DROSHA: variants seen among roughly 807,000 people sequenced by gnomAD.
DROSHA encodes ribonuclease 3.
A neutral mutation model predicts 181.9 loss-of-function variants in DROSHA; 56 were observed. That is an observed-to-expected ratio of 0.31 (90% CI 0.25 to 0.38). The LOEUF (loss-of-function observed/expected upper bound fraction) is 0.38. Ranked by LOEUF, DROSHA falls within the 10% of genes least tolerant of loss-of-function variation. DROSHA has a pLI of 1.00. For synonymous variants in DROSHA, 524 were observed against 591.2 expected (o/e 0.89, Z 1.65); for missense variants, 1,218 against 1,743.5 (o/e 0.70, Z 5.37).
chr5:31,487,292 A>G (rs1032732444), intron 13 of DROSHA, among the ~76,000 whole-genome samples: 4 of 152,212 alleles, frequency 2.6e-5, no homozygotes, highest in African/African-American at 9.6e-5. Flanking sequence ...GCTCTTAGCC[A>G]CTAGAGTATA....
chr5:31,514,887 T>C lies in DROSHA; in HGVS notation c.1290+101A>G. On this transcript the variant is annotated intron_variant, in intron 8 of 35. Coordinates refer to ENST00000344624, the MANE Select transcript of DROSHA (RefSeq NM_001382508.1). The surrounding 1 kb of genome is among the most constrained non-coding windows in gnomAD (Gnocchi z 4.4). ...ATGCCGCTAAACATCCTACAATGCA[T>C]AGGGCAGTCCCCACAATCAAGAATT... The C allele has an allele frequency of 6.5e-6, 7 of 1,082,424 alleles. No individual in the cohort carries two copies. The highest frequency in any genetic ancestry group is 2.4e-5 in the East Asian group (1 of 42,144). 67.1% of individuals were successfully genotyped at this position (1,082,424 alleles called of 1,614,324 possible). A position where few individuals can be genotyped will look rare whatever the true frequency, so the allele number is the denominator to read the frequency against.
chr5:31,416,527 T>C (rs941256824), intron 30 of DROSHA, among the ~76,000 whole-genome samples: 95 of 152,242 alleles, frequency 6.2e-4, no homozygotes, highest in African/African-American at 2.2e-3. Context: ...ACACAGAATT[T>C]TGATGCGGGG....
chr5:31,425,124 C>T (rs938551473), intron 27 of DROSHA, among the ~76,000 whole-genome samples: 1 of 151,986 alleles, frequency 6.6e-6, no homozygotes, highest in Admixed American at 6.6e-5. Context: ...CTCTAGGGAG[C>T]CTCTGACTGA....
At chr5:31,477,854 A>T (rs928534962) in intron 16 of DROSHA, among the ~76,000 whole-genome samples, 1 of 152,204 alleles carries the variant, frequency 6.6e-6, no homozygotes, top group Non-Finnish European at 1.5e-5. Flanking sequence ...TTGAGAAAAA[A>T]TTTTAAATCT....
intron 11 of DROSHA, among the ~76,000 whole-genome samples, chr5:31,497,589 G>A (rs932502661): frequency 6.6e-6 from 1 of 152,250 alleles, no homozygotes; most frequent in Admixed American, 6.5e-5. Flanking sequence ...TGGCCAGAAA[G>A]CAGAATAAAA....
chr5:31,502,846 C>T (rs979055633), intron 11 of DROSHA, among the ~76,000 whole-genome samples: 2 of 152,144 alleles, frequency 1.3e-5, no homozygotes, highest in Non-Finnish European at 2.9e-5. Context: ...TCTCTCCCAG[C>T]GGGTGGAGTT....
intron 23 of DROSHA, among the ~76,000 whole-genome samples, chr5:31,445,749 C>T (rs1746169441): frequency 6.6e-6 from 1 of 152,186 alleles, no homozygotes; most frequent in Admixed American, 6.5e-5. Context: ...GATAAAAACA[C>T]TCAGCAAACT....
intron 9 of DROSHA, among the ~76,000 whole-genome samples, chr5:31,509,320 G>T (rs1482471704): frequency 6.6e-6 from 1 of 152,062 alleles, no homozygotes; most frequent in Non-Finnish European, 1.5e-5. Flanking sequence ...GATCTTTAGA[G>T]AGAAAGTAAG....
At chr5:31,462,202 G>A (rs924577082) in intron 20 of DROSHA, among the ~76,000 whole-genome samples, 4 of 152,002 alleles carry the variant, frequency 2.6e-5, no homozygotes, top group African/African-American at 9.7e-5. Context: ...TCTGTATTCA[G>A]TATATGAACT....
rs1421550137 is a variant in DROSHA at position 31,508,634 on chromosome 5, T to C, written c.1574A>G (p.Asn525Ser). 6.2e-7 allele frequency: 1 copy of C among 1,613,956 alleles called. No individual in the cohort carries two copies. Among genetic ancestry groups the C allele is most frequent in the Admixed American group, 1.7e-5 (1 of 60,022 alleles). The change falls in exon 10 of 36, where the codon AAC (asparagine) becomes AGC (serine). Residue 525 changes from asparagine (N) to serine (S), a missense_variant. Around this residue, in one of 8 missense-constraint regions of DROSHA, gnomAD observed 460 missense variants for 774.2 expected, o/e 0.59. Transcript: ENST00000344624. The part of the protein sequence containing the change: ...PDRLHDELWY[N>S]DPGQMNDGPL... ...AAAAACACGCACCTGGCCTGGATCG[T>C]TGTACCAAAGTTCATCATGAAGTCG...
intron 10 of DROSHA, chr5:31,505,702 G>A (rs1247004739): frequency 6.6e-6 from 1 of 152,076 alleles, no homozygotes; most frequent in East Asian, 1.9e-4. Context: ...AGAGTGTAAT[G>A]GATTTTACAA....
At chr5:31,452,539 C>T (rs1747154324) in intron 20 of DROSHA, among the ~76,000 whole-genome samples, 1 of 151,778 alleles carries the variant, frequency 6.6e-6, no homozygotes, top group Admixed American at 6.6e-5. Context: ...TGTAAGGAGT[C>T]ATTCTTATTC....
chr5:31,405,790 T>TTC (rs1740582320), intron 34 of DROSHA, 67 bp from the exon 35 acceptor site: 2 of 1,179,164 alleles, frequency 1.7e-6, no homozygotes, highest in African/African-American at 3.5e-5. Flanking sequence ...TTTTTTTTTT[T>TTC]TCAAAAAATG....
At chr5:31,523,406 C>T (rs1740133071) in intron 5 of DROSHA, among the ~76,000 whole-genome samples, 2 of 152,312 alleles carry the variant, frequency 1.3e-5, no homozygotes, top group South Asian at 4.1e-4. Context: ...CTGAGATCCG[C>T]AATTCACAGG....
rs34034465 is a variant in DROSHA, at chr5:31,409,971, TA to T, written c.3668-640del. On this transcript the variant is annotated intron_variant, in intron 31 of 35. Coordinates refer to ENST00000344624, the MANE Select transcript of DROSHA (RefSeq NM_001382508.1). The surrounding 1 kb of genome is among the most constrained non-coding windows in gnomAD (Gnocchi z 4.0). ...GGAATAAAAATAGCTTTCATTGAGCTAAAAAAAAAAAAAAGAATGATCTCTC... is the reference window on the plus strand; with the variant it reads ...GGAATAAAAATAGCTTTCATTGAGCTAAAAAAAAAAAAAGAATGATCTCTC... Among the ~76,000 whole-genome samples, 45,428 of 144,328 alleles carry T rather than the reference TA, an allele frequency of 0.31. 8,873 individuals are homozygous for T. The highest frequency in any genetic ancestry group is 0.56 in the African/African-American group (22,423 of 40,000). The allele number at this position is 144,328 out of a possible 152,430, so 94.7% of individuals were successfully genotyped here.
At chr5:31,488,278 G>A (rs772178561) in intron 13 of DROSHA, among the ~76,000 whole-genome samples, 58 of 151,866 alleles carry the variant, frequency 3.8e-4, no homozygotes, top group Non-Finnish European at 3.8e-4. Context: ...TTAGCTGGGC[G>A]TGGTGGCGTC....
intron 17 of DROSHA, among the ~76,000 whole-genome samples, chr5:31,471,752 T>C (rs1042498717): frequency 6.6e-6 from 1 of 152,166 alleles, no homozygotes; most frequent in African/African-American, 2.4e-5. Context: ...GAAGATATGG[T>C]TGCTCTCATA....
In DROSHA at chr5:31,488,028, T is replaced by C. The variant is rs1751980061; in HGVS notation, c.1843-1466A>G. On this transcript the variant is annotated intron_variant, in intron 13 of 35. Coordinates refer to ENST00000344624, the MANE Select transcript of DROSHA (RefSeq NM_001382508.1). ...TAAATACAAAAAGAATACAATGCAA[T>C]GTAACTTCTAAGTTCAATTAAAAAA... is the stretch of plus-strand genomic sequence containing the variant. Among the ~76,000 whole-genome samples, 3 of 152,138 alleles carry C rather than the reference T, an allele frequency of 2.0e-5. No homozygotes were observed. In the South Asian group the frequency reaches 6.2e-4, roughly 32 times the overall value.
intron 34 of DROSHA, 60 bp from the exon 35 acceptor site, chr5:31,405,783 T>TC (rs1311119993): frequency 7.1e-7 from 1 of 1,405,530 alleles, no homozygotes; most frequent in Admixed American, 2.8e-5. Context: ...TTTTTTTTTT[T>TC]TTTTTTTTCA....
Sources: gnomAD v4.1 joint callset for allele counts (sites outside exome capture counted in the v4.1 genomes callset) on GRCh38, gnomAD v4.1.1 for gene constraint, gnomAD v4.1.1 regional missense constraint, Gnocchi (gnomAD v3.1) non-coding constraint, MANE v1.5 for transcripts, NCBI Gene and HGNC (gene_info 2026-07-23, HGNC 2026-07-21) for gene names.